Variants in DDC observed in about 807,000 individuals in gnomAD.
The protein encoded by DDC is aromatic-L-amino-acid decarboxylase.
Under a neutral mutation model 60.0 loss-of-function variants are expected in DDC, and 43 were observed. The ratio of observed to expected loss-of-function variants is 0.72; its 90% confidence interval spans 0.56 to 0.92. The LOEUF is 0.92. DDC is among the 40% of genes least tolerant of loss of function. The pLI, the probability that DDC is intolerant of heterozygous loss-of-function variation, is 0.00. For missense variants in DDC, 573 were observed against 620.2 expected (o/e 0.92, Z 0.81); for synonymous variants, 232 against 234.6 (o/e 0.99, Z 0.10).
chr7:50,506,547 C>T (rs953776737), intron 6 of DDC, among the ~76,000 whole-genome samples: 1 of 152,112 alleles, frequency 6.6e-6, no homozygotes, highest in Non-Finnish European at 1.5e-5. Flanking sequence ...CCTTTAAGAG[C>T]TCTAGGAAAC....
intron 1 of DDC, among the ~76,000 whole-genome samples, chr7:50,562,129 C>G (rs929359381): frequency 1.3e-5 from 2 of 152,204 alleles, no homozygotes; most frequent in African/African-American, 4.8e-5. Flanking sequence ...AGAAGCTACC[C>G]CTCTAGAGCA....
chr7:50,548,208 T>C (rs2044868908), intron 1 of DDC, among the ~76,000 whole-genome samples: 1 of 152,184 alleles, frequency 6.6e-6, no homozygotes, highest in Admixed American at 6.5e-5. Context: ...AAAATTGAAA[T>C]TAGGTCAGTT....
intron 1 of DDC, among the ~76,000 whole-genome samples, chr7:50,553,636 G>A (rs1285315703): frequency 7.3e-5 from 11 of 151,712 alleles, no homozygotes; most frequent in South Asian, 2.1e-4. Flanking sequence ...ACAGGTGTGC[G>A]TCACCACACC....
intron 9 of DDC, among the ~76,000 whole-genome samples, chr7:50,492,366 C>A (rs887429234): frequency 6.6e-6 from 1 of 152,206 alleles, no homozygotes; most frequent in African/African-American, 2.4e-5. Context: ...GGGACAAAAC[C>A]TTGGGTTTTG....
At chr7:50,515,360 A>T (rs1739791757) in intron 6 of DDC, among the ~76,000 whole-genome samples, 1 of 152,226 alleles carries the variant, frequency 6.6e-6, no homozygotes, top group African/African-American at 2.4e-5. Context: ...ACAAATGCTG[A>T]GAGAATTCAC....
intron 1 of DDC, among the ~76,000 whole-genome samples, chr7:50,562,486 C>T (rs1354879053): frequency 1.3e-5 from 2 of 152,222 alleles, no homozygotes; most frequent in Non-Finnish European, 2.9e-5. Context: ...AGGCCCCAGC[C>T]GTGAGCATTG....
Position 50,500,089 on chromosome 7 carries a change from C to G in DDC, c.782-847G>C, listed in dbSNP as rs573079204. Among the ~76,000 whole-genome samples, 287 of 152,190 alleles carry G rather than the reference C, an allele frequency of 1.9e-3. 1 individual carries two copies. The highest frequency in any genetic ancestry group is 6.6e-3 in the African/African-American group (276 of 41,520). On this transcript the variant is annotated intron_variant, in intron 7 of 14. Coordinates refer to ENST00000444124, the MANE Select transcript of DDC (RefSeq NM_001082971.2). ...GTTGCTGCCTCTCAGCCCTAGGCAC[C>G]CAGGAGAGTAAGAGTTGAAGGGTGA...
At position 50,531,193 on chromosome 7, in the gene DDC, A is replaced by G. The variant is rs114545854; in HGVS notation, c.436-1851T>C. Among the ~76,000 whole-genome samples the G allele has an allele frequency of 5.1e-3, 778 of 152,254 alleles. 4 individuals carry two copies. The highest frequency in any genetic ancestry group is 0.018 in the African/African-American group (740 of 41,558). ...TGGCCAGAGGAGAGAGAAGGGGAGAAACCAATTTTGGCTGGCAAAGCTAAA... is the reference window on the plus strand; with the variant it reads ...TGGCCAGAGGAGAGAGAAGGGGAGAGACCAATTTTGGCTGGCAAAGCTAAA... On this transcript the variant is annotated intron_variant, in intron 4 of 14. Transcript: ENST00000444124.
At chr7:50,509,501 T>A (rs565255288) in intron 6 of DDC, among the ~76,000 whole-genome samples, 4 of 152,344 alleles carry the variant, frequency 2.6e-5, no homozygotes, top group African/African-American at 9.6e-5. Flanking sequence ...ATGGCACTAT[T>A]TACTCTTCTT....
At chr7:50,470,303 G>T in intron 11 of DDC, 132 bp from the exon 12 acceptor site, 1 of 739,250 alleles carries the variant, frequency 1.4e-6, no homozygotes, top group Non-Finnish European at 2.4e-6. Context: ...CCATTGCCAT[G>T]GCCTGTCTTG....
intron 3 of DDC, 120 bp from the exon 4 acceptor site, chr7:50,538,099 A>T: frequency 7.9e-7 from 1 of 1,272,246 alleles, no homozygotes; most frequent in Non-Finnish European, 1.1e-6. Flanking sequence ...CCAATCTCAG[A>T]TGTGATTCAA....
At chr7:50,540,222 T>C (rs1303905510) in intron 2 of DDC, 194 bp from the exon 3 acceptor site, 3 of 618,748 alleles carry the variant, frequency 4.8e-6, no homozygotes, top group South Asian at 3.3e-5. Context: ...ATCACCTTAC[T>C]GTCCCCACTC....
At chr7:50,503,589 A>G (rs1373052645) in intron 7 of DDC, among the ~76,000 whole-genome samples, 2 of 152,332 alleles carry the variant, frequency 1.3e-5, no homozygotes, top group South Asian at 2.1e-4. Flanking sequence ...AAAAAAGGTG[A>G]AAAAGGGATA....
intron 1 of DDC, among the ~76,000 whole-genome samples, chr7:50,555,735 C>T (rs894694800): frequency 1.3e-5 from 2 of 152,164 alleles, no homozygotes; most frequent in African/African-American, 4.8e-5. Context: ...AGAACCTTGT[C>T]AGGACTACTA....
chr7:50,530,879 C>T (rs574014404), intron 4 of DDC, among the ~76,000 whole-genome samples: 6 of 152,322 alleles, frequency 3.9e-5, no homozygotes, highest in African/African-American at 1.4e-4. Context: ...ATGCTAACCT[C>T]TCTTCTTAAC....
At chr7:50,537,307 C>T (rs999324449) in intron 4 of DDC, among the ~76,000 whole-genome samples, 7 of 152,226 alleles carry the variant, frequency 4.6e-5, no homozygotes, top group African/African-American at 1.7e-4. Context: ...ACATCTGCCA[C>T]CTGTGCTGTC....
intron 1 of DDC, among the ~76,000 whole-genome samples, chr7:50,560,624 G>T (rs370215018): frequency 6.6e-6 from 1 of 152,086 alleles, no homozygotes; most frequent in East Asian, 1.9e-4. Flanking sequence ...CCCACCCATC[G>T]TGTGGCCTCC....
chr7:50,543,871 G>T lies in DDC; in HGVS notation c.201+14C>A, dbSNP rs2044715098. On this transcript the variant is annotated intron_variant, in intron 2 of 14. Coordinates refer to ENST00000444124, the MANE Select transcript of DDC (RefSeq NM_001082971.2). The stretch of plus-strand genomic sequence containing the variant: ...TCTAGCCCTCCTGTTTTCTGACCTT[G>T]GATACACACTTACCCCAGGCATGAT... 6.2e-7 allele frequency: 1 copy of T among 1,612,566 alleles called. No individual in the cohort carries two copies. Among genetic ancestry groups the T allele is most frequent in the Non-Finnish European group, 8.5e-7 (1 of 1,178,826 alleles).
chr7:50,551,852 T>A (rs1054115652), intron 1 of DDC, among the ~76,000 whole-genome samples: 1 of 152,178 alleles, frequency 6.6e-6, no homozygotes, highest in African/African-American at 2.4e-5. Flanking sequence ...CTATTAGCAA[T>A]GCCTTTTGAA....
Sources: gnomAD v4.1 joint callset for allele counts (sites outside exome capture counted in the v4.1 genomes callset) on GRCh38, gnomAD v4.1.1 for gene constraint, MANE v1.5 for transcripts, NCBI Gene and HGNC (gene_info 2026-07-23, HGNC 2026-07-21) for gene names.